FRMD4A: variants seen among roughly 807,000 people sequenced by gnomAD.
FRMD4A encodes FERM domain-containing protein 4A.
In FRMD4A, 29 loss-of-function variants were observed where a neutral mutation model predicts 129.1. That is an observed-to-expected ratio of 0.22 (90% CI 0.17 to 0.31). FRMD4A has a LOEUF of 0.31. Ranked by LOEUF, FRMD4A falls within the 10% of genes least tolerant of loss-of-function variation. The pLI, the probability that FRMD4A is intolerant of heterozygous loss-of-function variation, is 1.00. For missense variants in FRMD4A, 1,272 were observed against 1,375.8 expected (o/e 0.92, Z 1.19); for synonymous variants, 634 against 571.6 (o/e 1.11, Z -1.56).
In FRMD4A at chr10:14,203,161, G is replaced by C. The variant is rs558627444; in HGVS notation, c.45+126897C>G. 3.9e-5 allele frequency among the ~76,000 whole-genome samples: 6 copies of C among 152,274 alleles called. No individual in the cohort carries two copies. The South Asian group carries it at 1.2e-3, about 32-fold the overall frequency. ...TGGTATACTACACATTCACTGGCCT[G>C]CCTCCTCTCCTGTCCTTTTGCCTGT... On this transcript the variant is annotated intron_variant, in intron 2 of 24. Transcript: ENST00000357447.
chr10:14,059,546 A>T (rs1349818618), intron 2 of FRMD4A, among the ~76,000 whole-genome samples: 1 of 152,236 alleles, frequency 6.6e-6, no homozygotes, highest in African/African-American at 2.4e-5. Context: ...ACCTTAAGCA[A>T]GGAAGAGAGC....
intron 3 of FRMD4A, among the ~76,000 whole-genome samples, chr10:13,856,844 T>G (rs2094220343): frequency 1.3e-5 from 2 of 152,204 alleles, no homozygotes; most frequent in African/African-American, 4.8e-5. Flanking sequence ...TAAACTGCCA[T>G]TTGAGGTCTC....
rs183419111 is a variant in FRMD4A, at chr10:14,245,382, G to A, written c.45+84676C>T. On this transcript the variant is annotated intron_variant, in intron 2 of 24. Coordinates refer to ENST00000357447, the MANE Select transcript of FRMD4A (RefSeq NM_018027.5). ...GATGACCAAGGGATTGCTTTGTGAAGGAAGTTAGTTCAAACAAATAAAACA... is the reference window on the plus strand; with the variant it reads ...GATGACCAAGGGATTGCTTTGTGAAAGAAGTTAGTTCAAACAAATAAAACA... Among the ~76,000 whole-genome samples, 791 of 152,302 alleles carry A rather than the reference G, an allele frequency of 5.2e-3. 5 individuals are homozygous for A. The highest frequency in any genetic ancestry group is 6.3e-3 in the Non-Finnish European group (429 of 68,030).
intron 2 of FRMD4A, among the ~76,000 whole-genome samples, chr10:13,979,784 T>C (rs915026898): frequency 1.3e-4 from 20 of 152,344 alleles, no homozygotes; most frequent in African/African-American, 4.1e-4. Context: ...GTAATGGGAA[T>C]GTAATGACTA....
At chr10:13,857,719 C>A (rs2094233250) in intron 3 of FRMD4A, among the ~76,000 whole-genome samples, 2 of 152,158 alleles carry the variant, frequency 1.3e-5, no homozygotes, top group South Asian at 4.1e-4. Flanking sequence ...CTGCAGCTTC[C>A]TCACAACAAA....
At chr10:14,224,317 T>C (rs952706081) in intron 2 of FRMD4A, among the ~76,000 whole-genome samples, 1 of 152,230 alleles carries the variant, frequency 6.6e-6, no homozygotes, top group African/African-American at 2.4e-5. Context: ...CTGCCATCCT[T>C]GTTCTTCTGC....
chr10:14,114,959 G>A (rs953194459), intron 2 of FRMD4A, among the ~76,000 whole-genome samples: 2 of 152,164 alleles, frequency 1.3e-5, no homozygotes, highest in Admixed American at 6.5e-5. Flanking sequence ...CTGAAGTACT[G>A]TAGGAGGAGA....
chr10:13,861,243 A>G (rs889910417), intron 2 of FRMD4A, among the ~76,000 whole-genome samples: 19 of 152,184 alleles, frequency 1.2e-4, no homozygotes, highest in African/African-American at 4.1e-4. Flanking sequence ...ATGTATTTGC[A>G]GGTACGGCAA....
chr10:13,997,057 G>A (rs2095625180), intron 2 of FRMD4A, among the ~76,000 whole-genome samples: 1 of 151,948 alleles, frequency 6.6e-6, no homozygotes, highest in East Asian at 1.9e-4. Context: ...CTAGATCTTA[G>A]GACACCTAAG....
At chr10:13,977,369 T>G (rs564018806) in intron 2 of FRMD4A, among the ~76,000 whole-genome samples, 2 of 152,332 alleles carry the variant, frequency 1.3e-5, no homozygotes, top group East Asian at 3.9e-4. Context: ...TTCCATCCAC[T>G]GAATGCCGTT....
At chr10:14,271,348 C>A (rs1357368304) in intron 2 of FRMD4A, among the ~76,000 whole-genome samples, 3 of 152,228 alleles carry the variant, frequency 2.0e-5, no homozygotes, top group African/African-American at 4.8e-5. Flanking sequence ...TGGAGCCCAT[C>A]CCAGCAGCTC....
chr10:13,753,541 A>AT (rs35813128), intron 8 of FRMD4A, among the ~76,000 whole-genome samples: 34,454 of 114,916 alleles, frequency 0.3, 6,392 homozygotes, highest in African/African-American at 0.49. Context: ...GTACCTTTCT[A>AT]TTTTTTTTTT....
At chr10:14,018,901 A>G (rs1370811302) in intron 2 of FRMD4A, among the ~76,000 whole-genome samples, 2 of 152,166 alleles carry the variant, frequency 1.3e-5, no homozygotes, top group Non-Finnish European at 2.9e-5. Context: ...GAGAAGAGTC[A>G]AGCCTGTAAA....
At chr10:13,669,059 T>TA (rs2083295738) in intron 17 of FRMD4A, among the ~76,000 whole-genome samples, 1 of 17,152 alleles carries the variant, frequency 5.8e-5, no homozygotes, top group African/African-American at 2.0e-4. Flanking sequence ...GAGCTTTAGT[T>TA]TTTTTTTTTT....
intron 2 of FRMD4A, among the ~76,000 whole-genome samples, chr10:13,880,852 T>C (rs1057111606): frequency 6.6e-6 from 1 of 152,112 alleles, no homozygotes; most frequent in Non-Finnish European, 1.5e-5. Flanking sequence ...TGTTTTTCTT[T>C]GTAGTAATTA....
At chr10:14,206,819 A>AAAAAAAAAAAAAAAAAAC in intron 2 of FRMD4A, among the ~76,000 whole-genome samples, 1 of 149,804 alleles carries the variant, frequency 6.7e-6, no homozygotes, top group Non-Finnish European at 1.5e-5. Context: ...CAAAAAAAAA[A>AAAAAAAAAAAAAAAAAAC]AAGAGAGACA....
intron 9 of FRMD4A, among the ~76,000 whole-genome samples, chr10:13,747,128 G>A (rs759641516): frequency 1.3e-4 from 19 of 151,704 alleles, no homozygotes; most frequent in African/African-American, 4.6e-4. Context: ...TCTCGAAGGC[G>A]GTGAAGCTTC....
intron 2 of FRMD4A, among the ~76,000 whole-genome samples, chr10:14,118,819 T>C (rs1188177112): frequency 2.5e-4 from 38 of 152,144 alleles, no homozygotes; most frequent in Admixed American, 2.4e-3. Context: ...CCTTGACATG[T>C]GGGGATTATT....
intron 6 of FRMD4A, among the ~76,000 whole-genome samples, chr10:13,782,381 G>A (rs2092758211): frequency 6.6e-6 from 1 of 151,336 alleles, no homozygotes; most frequent in Non-Finnish European, 1.5e-5. Context: ...TAGGAAACAT[G>A]TCCACAGAGC....
Sources: gnomAD v4.1 joint callset for allele counts (sites outside exome capture counted in the v4.1 genomes callset) on GRCh38, gnomAD v4.1.1 for gene constraint, MANE v1.5 for transcripts, NCBI Gene and HGNC (gene_info 2026-07-23, HGNC 2026-07-21) for gene names.